The following TMC1 variants were observed in gnomAD, a reference collection of about 807,000 sequenced individuals.
The protein encoded by TMC1 is transmembrane channel like 1, also known as transmembrane channel-like protein 1.
TMC1 carries 84 observed loss-of-function variants against 105.8 expected under a neutral mutation model. That is an observed-to-expected ratio of 0.79 (90% CI 0.67 to 0.95). The LOEUF is 0.95. Ranked by LOEUF, TMC1 falls within the 40% of genes least tolerant of loss-of-function variation. The pLI, the probability that TMC1 is intolerant of heterozygous loss-of-function variation, is 0.00. For synonymous variants in TMC1, 315 were observed against 311.5 expected, an observed-to-expected ratio of 1.01 and a Z score of -0.12; for missense variants, 817 against 914.1, an observed-to-expected ratio of 0.89 and a Z score of 1.37.
intron 20 of TMC1, among the ~76,000 whole-genome samples, chr9:72,822,085 C>G (rs1436215327): frequency 2.6e-5 from 4 of 152,176 alleles, no homozygotes; most frequent in African/African-American, 9.7e-5. Context: ...CTCTATGACA[C>G]ATATCAGAAA....
Position 72,693,327 on chromosome 9 carries a change from C to G in TMC1, c.65-1216C>G, listed in dbSNP as rs12348972. Among the ~76,000 whole-genome samples the G allele has an allele frequency of 3.0e-3, 462 of 152,120 alleles. 6 individuals carry two copies. The highest frequency in any genetic ancestry group is 0.011 in the African/African-American group (448 of 41,526). ...AACTAATAAAACAACTTGTGAGATG[C>G]TATAATCAGTTCAAAGGAACGTCCA... On this transcript the variant is annotated intron_variant, in intron 6 of 23. Transcript: ENST00000297784.
intron 20 of TMC1, among the ~76,000 whole-genome samples, 163 bp from the exon 21 acceptor site, chr9:72,826,697 ATATATTGAC>A (rs1157220071): frequency 6.6e-6 from 1 of 152,194 alleles, no homozygotes; most frequent in African/African-American, 2.4e-5. Flanking sequence ...TATCTTACCC[ATATATTGAC>A]TACATGAGGT....
chr9:72,531,251 A>C (rs1386517744), intron 1 of TMC1, among the ~76,000 whole-genome samples: 1 of 152,008 alleles, frequency 6.6e-6, no homozygotes, highest in African/African-American at 2.4e-5. Context: ...ACTTTTGTCT[A>C]CTTTCATTGT....
At chr9:72,770,733 C>G (rs1827912069) in intron 12 of TMC1, among the ~76,000 whole-genome samples, 1 of 152,126 alleles carries the variant, frequency 6.6e-6, no homozygotes, top group Non-Finnish European at 1.5e-5. Context: ...GAAACCAGTG[C>G]TGTAATTCAG....
chr9:72,594,872 T>C lies in TMC1; in HGVS notation c.-306+16849T>C, dbSNP rs72731155. Reference sequence around the variant, plus strand: ...CTCTCCTCTGCTTCTTCTTCTTCTTTTTTTTTTTTTTGAGACAGCGTCTCA... The same window carrying C: ...CTCTCCTCTGCTTCTTCTTCTTCTTCTTTTTTTTTTTGAGACAGCGTCTCA... On this transcript the variant is annotated intron_variant, in intron 2 of 23. Transcript: ENST00000297784. Among the ~76,000 whole-genome samples the C allele has an allele frequency of 3.2e-4, 28 of 87,178 alleles. 1 individual carries two copies. Among genetic ancestry groups the C allele is most frequent in the African/African-American group, 1.4e-3 (23 of 16,878 alleles). 57.2% of individuals were successfully genotyped at this position (87,178 alleles called of 152,430 possible). A position where few individuals can be genotyped will look rare whatever the true frequency, so the allele number is the denominator to read the frequency against.
intron 1 of TMC1, among the ~76,000 whole-genome samples, chr9:72,566,307 A>G (rs561633909): frequency 4.6e-5 from 7 of 152,272 alleles, no homozygotes; most frequent in South Asian, 2.1e-4. Flanking sequence ...AACCACTACA[A>G]TCTTAAAAAG....
chr9:72,715,236 G>C (rs1172674267), intron 8 of TMC1, among the ~76,000 whole-genome samples: 1 of 152,106 alleles, frequency 6.6e-6, no homozygotes, highest in Non-Finnish European at 1.5e-5. Context: ...ATGATTACAT[G>C]TATTGGGGTT....
intron 8 of TMC1, among the ~76,000 whole-genome samples, chr9:72,723,466 A>G (rs567035424): frequency 2.6e-5 from 4 of 152,346 alleles, no homozygotes; most frequent in African/African-American, 9.6e-5. Flanking sequence ...ATAAGTATTT[A>G]CAGCTATAAA....
At position 72,694,226 on chromosome 9, in the gene TMC1, G is replaced by A. The variant is rs115439298; in HGVS notation, c.65-317G>A. Among the ~76,000 whole-genome samples the A allele has an allele frequency of 2.1e-3, 316 of 152,208 alleles. 5 individuals are homozygous for A. Among genetic ancestry groups the A allele is most frequent in the African/African-American group, 7.1e-3 (295 of 41,550 alleles). ...TTATTTGAATGGTCTTAGAGGTCAT[G>A]GTATGATATTAACCACCAAGCTATT... On this transcript the variant is annotated intron_variant, in intron 6 of 23. Transcript: ENST00000297784.
intron 10 of TMC1, among the ~76,000 whole-genome samples, chr9:72,743,093 C>T (rs1464564669): frequency 6.6e-6 from 1 of 152,072 alleles, no homozygotes. Flanking sequence ...AAAGGCCGGG[C>T]GCGGTGGCTC....
At chr9:72,709,748 C>T (rs1027362486) in intron 8 of TMC1, among the ~76,000 whole-genome samples, 1 of 152,092 alleles carries the variant, frequency 6.6e-6, no homozygotes, top group East Asian at 1.9e-4. Flanking sequence ...TGGATCTTCT[C>T]TCTTCTTTGC....
intron 8 of TMC1, among the ~76,000 whole-genome samples, chr9:72,737,201 A>G (rs1827313374): frequency 6.6e-6 from 1 of 152,094 alleles, no homozygotes; most frequent in Non-Finnish European, 1.5e-5. Flanking sequence ...TTCTGCATTT[A>G]CCTGGCGTTT....
Position 72,788,501 on chromosome 9 carries a change from A to G in TMC1, c.1029+18A>G, listed in dbSNP as rs1828208179. Reference sequence around the variant, plus strand: ...ACTTTAAGGTAGAGGCACCAACTTCAAAAACCTGCTGTTTGTATTTCTAAG... The same window carrying G: ...ACTTTAAGGTAGAGGCACCAACTTCGAAAACCTGCTGTTTGTATTTCTAAG... On this transcript the variant is annotated intron_variant, in intron 14 of 23. Coordinates refer to ENST00000297784, the MANE Select transcript of TMC1 (RefSeq NM_138691.3). 1.2e-6 allele frequency: 2 copies of G among 1,613,692 alleles called. No individual in the cohort carries two copies. Among genetic ancestry groups the G allele is most frequent in the Non-Finnish European group, 1.7e-6 (2 of 1,179,596 alleles).
chr9:72,596,481 T>C (rs1431662511), intron 2 of TMC1, among the ~76,000 whole-genome samples: 2 of 150,762 alleles, frequency 1.3e-5, no homozygotes, highest in Non-Finnish European at 1.5e-5. Context: ...TGGGAAGCAT[T>C]TGATGAACAG....
At chr9:72,683,406 A>G (rs1320051785) in intron 5 of TMC1, among the ~76,000 whole-genome samples, 2 of 152,054 alleles carry the variant, frequency 1.3e-5, no homozygotes, top group East Asian at 1.9e-4. Context: ...TCGTATTGCT[A>G]TAATCAGAAA....
chr9:72,645,806 T>A (rs1439149690), intron 4 of TMC1, among the ~76,000 whole-genome samples: 3 of 152,188 alleles, frequency 2.0e-5, no homozygotes, highest in Non-Finnish European at 4.4e-5. Flanking sequence ...CTTAAAATAA[T>A]CTTTAAGGGG....
intron 1 of TMC1, among the ~76,000 whole-genome samples, chr9:72,553,895 G>C (rs972464588): frequency 6.6e-6 from 1 of 152,054 alleles, no homozygotes; most frequent in Admixed American, 6.6e-5. Flanking sequence ...GTCTCCCTAC[G>C]ACTATTATAT....
chr9:72,816,429 A>G (rs534075340), intron 19 of TMC1, among the ~76,000 whole-genome samples: 4 of 152,282 alleles, frequency 2.6e-5, no homozygotes, highest in African/African-American at 9.6e-5. Flanking sequence ...TTCTTCATCA[A>G]ATAATGGGAG....
intron 2 of TMC1, among the ~76,000 whole-genome samples, chr9:72,587,002 T>TC (rs1208850664): frequency 2.0e-5 from 3 of 152,118 alleles, no homozygotes; most frequent in African/African-American, 7.2e-5. Context: ...CTGGAGTGTG[T>TC]CAACTGTGGG....
Sources: gnomAD v4.1 joint callset for allele counts (sites outside exome capture counted in the v4.1 genomes callset) on GRCh38, gnomAD v4.1.1 for gene constraint, MANE v1.5 for transcripts, NCBI Gene and HGNC (gene_info 2026-07-23, HGNC 2026-07-21) for gene names.